NAA38: variants seen among roughly 807,000 people sequenced by gnomAD.
NAA38 encodes the protein LSM domain containing 1.
Under a neutral mutation model 12.6 loss-of-function variants are expected in NAA38, and 15 were observed. The ratio of observed to expected loss-of-function variants is 1.19; its 90% CI spans 0.79 to 1.83. NAA38 has a LOEUF of 1.83. Ranked by LOEUF, NAA38 falls within the 40% of genes most tolerant of loss-of-function variation. The probability of loss-of-function intolerance (pLI) is 0.00; values close to 1 mark genes in which losing one functional copy is unlikely to be tolerated. For synonymous variants in NAA38, 88 were observed against 69.9 expected (o/e 1.26, Z -1.29); for missense variants, 183 against 171.7 (o/e 1.07, Z -0.37).
intron 2 of NAA38, among the ~76,000 whole-genome samples, chr17:7,879,951 T>C (rs960709781): frequency 5.3e-5 from 8 of 149,540 alleles, no homozygotes; most frequent in East Asian, 3.9e-4. Flanking sequence ...GGAATGGAGA[T>C]TGACTGACAG....
chr17:7,879,878 GGA>G lies in NAA38; in HGVS notation c.-66+3355_-66+3356del, dbSNP rs200759302. Among the ~76,000 whole-genome samples, 236 of 152,096 alleles carry G rather than the reference GGA, an allele frequency of 1.6e-3. 1 individual carries two copies. In the East Asian group the frequency reaches 0.016, roughly 11 times the overall value. ...TATAGAGAAACCTGGAAACACAGAAGGAGAGATGCAAGAACTGAGCAGACAGA... is the reference window on the plus strand; with the variant it reads ...TATAGAGAAACCTGGAAACACAGAAGGAGATGCAAGAACTGAGCAGACAGA... On this transcript the variant is annotated intron_variant, in intron 2 of 4. Transcript: ENST00000576861.
intron 2 of NAA38, among the ~76,000 whole-genome samples, chr17:7,866,949 AAC>A: frequency 6.6e-6 from 1 of 152,294 alleles, no homozygotes; most frequent in East Asian, 1.9e-4. Context: ...CTAAGTATGA[AAC>A]ACACATCAGG....
intron 2 of NAA38, 81 bp downstream of exon 2, chr17:7,856,934 G>A (rs759633987): frequency 1.4e-5 from 22 of 1,590,516 alleles, no homozygotes; most frequent in Non-Finnish European, 1.9e-5. Context: ...AACAAGGGTT[G>A]CAGCCAGGCC....
At chr17:7,859,330 T>C (rs972303050), upstream of NAA38, 8 of 1,453,750 alleles carry the variant, frequency 5.5e-6, no homozygotes, top group Non-Finnish European at 7.7e-6. Flanking sequence ...AGCGTGTGTA[T>C]ATGTATACTC....
At chr17:7,873,069 A>C (rs1967114527) in intron 2 of NAA38, among the ~76,000 whole-genome samples, 1 of 152,242 alleles carries the variant, frequency 6.6e-6, no homozygotes, top group Admixed American at 6.5e-5. Flanking sequence ...CGACCTTAAA[A>C]GGGTAATTCC....
At chr17:7,859,727 TC>T, upstream of NAA38, 1 of 863,682 alleles carries the variant, frequency 1.2e-6, no homozygotes, top group Non-Finnish European at 1.9e-6. Flanking sequence ...TCCACTCCTC[TC>T]CAGGAGCTAG....
In NAA38 at chr17:7,856,723, C is replaced by T. The variant is rs766052388; in HGVS notation, c.*8G>A. On this transcript the variant is annotated 3_prime_UTR_variant, in exon 3 of 3. Coordinates refer to ENST00000575771, the MANE Select transcript of NAA38 (RefSeq NM_001320925.4). Reference sequence around the variant, plus strand: ...TTAATGAAGTCTGAAAGGTAAGCGCCATCGTGGTCAGAGATACGGAGGCCC... The same window carrying T: ...TTAATGAAGTCTGAAAGGTAAGCGCTATCGTGGTCAGAGATACGGAGGCCC... The T allele has an allele frequency of 8.7e-6, 14 of 1,608,628 alleles. No individual in the cohort carries two copies. Among genetic ancestry groups the T allele is most frequent in the Non-Finnish European group, 1.2e-5 (14 of 1,175,180 alleles).
rs149697936 is a variant in NAA38, at chr17:7,873,013, G to C, written c.-65-6455C>G. ...CCTATTATAAGCTTGGAGAGTCAGG[G>C]GAGTTTAGTGCATGCCTGCTTACTG... On this transcript the variant is annotated intron_variant, in intron 2 of 4. Coordinates refer to the NAA38 transcript ENST00000576861. 8.3e-4 allele frequency among the ~76,000 whole-genome samples: 127 copies of C among 152,254 alleles called. 5 individuals are homozygous for C. The East Asian group carries it at 0.018, about 22-fold the overall frequency.
chr17:7,881,698 A>G (rs1177861119), intron 2 of NAA38, among the ~76,000 whole-genome samples: 2 of 149,862 alleles, frequency 1.3e-5, no homozygotes, highest in Non-Finnish European at 3.0e-5. Context: ...AAAAGGAGGA[A>G]CTTAACAGGC....
chr17:7,858,337 G>A, upstream of NAA38: 1 of 1,613,960 alleles, frequency 6.2e-7, no homozygotes, highest in Admixed American at 1.7e-5. Flanking sequence ...GTGTGTGTGT[G>A]CACGCGCGCG....
chr17:7,861,190 G>A (rs1425092565), upstream of NAA38: 4 of 152,290 alleles, frequency 2.6e-5, no homozygotes, highest in Non-Finnish European at 4.4e-5. Context: ...AACAAATCAG[G>A]AAGAGTTTAG....
chr17:7,882,393 A>G (rs1597885336), intron 2 of NAA38, among the ~76,000 whole-genome samples: 2 of 152,232 alleles, frequency 1.3e-5, no homozygotes, highest in South Asian at 4.1e-4. Context: ...ACACACAGTC[A>G]GAGACTGGAA....
In NAA38 at chr17:7,857,457, C is replaced by T. The variant is rs746272624; in HGVS notation, c.7G>A (p.Gly3Arg). ...CGTAGCAGCATGGTCGGTCCAGCTC[C>T]GGCCATTTGCCCGGAGGCCTCCTCT... MA[G>R]AGPTMLLREE... The change falls in exon 1 of 3, where the codon GGA becomes AGA. Residue 3 changes from glycine (G) to arginine (R), a missense_variant. Transcript: ENST00000575771. The T allele has an allele frequency of 6.5e-7, 1 of 1,537,664 alleles. No individual in the cohort carries two copies. Among genetic ancestry groups the T allele is most frequent in the South Asian group, 1.2e-5 (1 of 80,964 alleles).
upstream of NAA38, chr17:7,859,569 C>T: frequency 1.2e-6 from 2 of 1,614,158 alleles, no homozygotes; most frequent in South Asian, 1.1e-5. Context: ...CTTCACACAC[C>T]TGCAATACTT....
At chr17:7,869,880 T>C (rs1388460116) in intron 2 of NAA38, among the ~76,000 whole-genome samples, 1 of 152,182 alleles carries the variant, frequency 6.6e-6, no homozygotes, top group Non-Finnish European at 1.5e-5. Flanking sequence ...GCATTTCCCA[T>C]GACAAATTTA....
intron 2 of NAA38, among the ~76,000 whole-genome samples, chr17:7,878,662 G>C (rs1967218194): frequency 6.6e-6 from 1 of 152,184 alleles, no homozygotes. Flanking sequence ...GGAGGCAGAG[G>C]TTGCAGTGAG....
At chr17:7,880,142 G>A (rs1967245845) in intron 2 of NAA38, among the ~76,000 whole-genome samples, 1 of 152,134 alleles carries the variant, frequency 6.6e-6, no homozygotes, top group Non-Finnish European at 1.5e-5. Flanking sequence ...ATACATTACT[G>A]CAGGCAGACA....
chr17:7,871,906 C>T (rs1395805777), intron 2 of NAA38, among the ~76,000 whole-genome samples: 2 of 152,162 alleles, frequency 1.3e-5, no homozygotes, highest in African/African-American at 4.8e-5. Context: ...CCACCCACCT[C>T]GGCTTCCCAA....
chr17:7,884,849 A>G (rs1597890656), intron 1 of NAA38: 7 of 994,306 alleles, frequency 7.0e-6, no homozygotes, highest in South Asian at 3.5e-5. Context: ...GGAGGAGGAG[A>G]TGGTGGTGTC....
Sources: allele counts gnomAD v4.1 joint callset (sites outside exome capture counted in the v4.1 genomes callset), GRCh38; gene constraint gnomAD v4.1.1; transcripts MANE v1.5; gene names NCBI Gene and HGNC (gene_info 2026-07-23, HGNC 2026-07-21).